Variants in CCDC158 observed in about 807,000 individuals in gnomAD.
CCDC158 encodes the protein coiled-coil domain containing 158.
Under a neutral mutation model 138.6 loss-of-function variants are expected in CCDC158, and 116 were observed. The ratio of observed to expected loss-of-function variants is 0.84; its 90% confidence interval spans 0.72 to 0.98. The LOEUF is 0.98. CCDC158 is among the 50% of genes least tolerant of loss of function. The pLI, the probability that CCDC158 is intolerant of heterozygous loss-of-function variation, is 0.00. For missense variants in CCDC158, 1,265 were observed against 1,306.1 expected (o/e 0.97, Z 0.48); for synonymous variants, 436 against 442.4 (o/e 0.99, Z 0.18).
intron 14 of CCDC158, among the ~76,000 whole-genome samples, chr4:76,356,152 T>C (rs1723539194): frequency 6.6e-6 from 1 of 152,074 alleles, no homozygotes; most frequent in Non-Finnish European, 1.5e-5. Context: ...AATGAAAATA[T>C]ACCATTCATT....
intron 3 of CCDC158, 30 bp from the exon 4 acceptor site, chr4:76,396,516 T>G (rs1017043879): frequency 6.5e-7 from 1 of 1,547,216 alleles, no homozygotes; most frequent in Non-Finnish European, 8.8e-7. Flanking sequence ...TTAATTAACT[T>G]TTCGTTTTTT....
chr4:76,328,406 G>C (rs1487620813), intron 22 of CCDC158, among the ~76,000 whole-genome samples: 1 of 152,214 alleles, frequency 6.6e-6, no homozygotes, highest in Admixed American at 6.5e-5. Flanking sequence ...CTGATAAAAG[G>C]AAGAAGGAGC....
chr4:76,401,980 C>T (rs1217131403), intron 3 of CCDC158: 1 of 152,120 alleles, frequency 6.6e-6, no homozygotes, highest in Non-Finnish European at 1.5e-5. Flanking sequence ...AATGTTTATA[C>T]AATAATGGTG....
chr4:76,371,694 T>C, intron 9 of CCDC158, among the ~76,000 whole-genome samples, 158 bp from the exon 10 acceptor site: 1 of 152,156 alleles, frequency 6.6e-6, no homozygotes, highest in East Asian at 1.9e-4. Context: ...TCCCAGCACT[T>C]TGGGAGGCCG....
chr4:76,397,677 G>A (rs1479380731), intron 3 of CCDC158, among the ~76,000 whole-genome samples: 1 of 152,176 alleles, frequency 6.6e-6, no homozygotes, highest in Non-Finnish European at 1.5e-5. Context: ...TTCACTGTAG[G>A]AAAGACACAA....
intron 2 of CCDC158, among the ~76,000 whole-genome samples, chr4:76,406,481 A>G (rs944751059): frequency 1.3e-5 from 2 of 152,206 alleles, no homozygotes; most frequent in Non-Finnish European, 2.9e-5. Flanking sequence ...CCTTTTGGCT[A>G]TATATTAAAC....
intron 6 of CCDC158, 130 bp from the exon 7 acceptor site, chr4:76,383,868 C>A: frequency 1.4e-6 from 1 of 726,440 alleles, no homozygotes; most frequent in South Asian, 1.8e-5. Context: ...CATTCTATCC[C>A]CATATTTTAT....
chr4:76,341,338 T>C (rs1390023303), intron 18 of CCDC158, among the ~76,000 whole-genome samples: 1 of 152,210 alleles, frequency 6.6e-6, no homozygotes, highest in African/African-American at 2.4e-5. Context: ...TCATTCAGCT[T>C]GAATTCAACC....
chr4:76,338,390 T>C (rs900018419), intron 18 of CCDC158, among the ~76,000 whole-genome samples: 2 of 152,166 alleles, frequency 1.3e-5, no homozygotes, highest in African/African-American at 2.4e-5. Flanking sequence ...TGTATGCCTG[T>C]AGTCCCAGCT....
At chr4:76,325,833 T>C (rs1189181097) in intron 23 of CCDC158, 24 bp downstream of exon 23, 7 of 1,593,964 alleles carry the variant, frequency 4.4e-6, no homozygotes, top group East Asian at 2.2e-5. Flanking sequence ...ATTAATCACG[T>C]CAATGATATC....
chr4:76,327,728 C>T (rs76866223), intron 22 of CCDC158, among the ~76,000 whole-genome samples: 2,313 of 152,182 alleles, frequency 0.015, 28 homozygotes, highest in Non-Finnish European at 0.023. Flanking sequence ...TATATTGACA[C>T]GAAGAAAAAC....
intron 3 of CCDC158, among the ~76,000 whole-genome samples, chr4:76,399,880 G>A (rs1373350755): frequency 6.6e-6 from 1 of 152,132 alleles, no homozygotes; most frequent in African/African-American, 2.4e-5. Context: ...TGACAGTGGG[G>A]GGTGAGAAGA....
Position 76,382,632 on chromosome 4 carries a change from G to A in CCDC158, c.892C>T (p.Gln298Ter). The change falls in exon 8 of 25, where the codon CAG becomes TAG. Residue 298 changes from glutamine to a stop codon, truncating the protein, a stop_gained. Transcript: ENST00000682701. LOFTEE classifies it high-confidence loss of function. ...SSARSQANSIQSQMEIIQEQA... is the reference protein window; with the variant it reads ...SSARSQANSI The stretch of plus-strand genomic sequence containing the variant: ...TACTGAATGATTTCCATTTGACTCT[G>A]GATACTATTGGCTTGGCTTCGAGCA... 1 of 1,610,306 alleles carries A rather than the reference G, an allele frequency of 6.2e-7. No individual in the cohort carries two copies. Among genetic ancestry groups the A allele is most frequent in the East Asian group, 2.2e-5 (1 of 44,796 alleles).
At chr4:76,397,998 A>G (rs1295272127) in intron 3 of CCDC158, among the ~76,000 whole-genome samples, 2 of 152,228 alleles carry the variant, frequency 1.3e-5, no homozygotes, top group Non-Finnish European at 2.9e-5. Context: ...AAAAAGACAC[A>G]GGAGCCAGTT....
At position 76,385,998 on chromosome 4, in the gene CCDC158, G is replaced by A. The variant is rs1195104295; in HGVS notation, c.289-1333C>T. On this transcript the variant is annotated intron_variant, in intron 4 of 24. Coordinates refer to ENST00000682701, the MANE Select transcript of CCDC158 (RefSeq NM_001394954.1). ...GAGAGAAATTACTTTCAACTTTACC[G>A]AGCCAATTATCAATGAAGTACGAGT... is the stretch of plus-strand genomic sequence containing the variant. Among the ~76,000 whole-genome samples the A allele has an allele frequency of 5.9e-5, 9 of 152,256 alleles. No homozygotes were observed. The East Asian group carries it at 9.6e-4, about 16-fold the overall frequency.
chr4:76,414,101 G>A (rs1407294686), intron 1 of CCDC158, among the ~76,000 whole-genome samples: 1 of 152,036 alleles, frequency 6.6e-6, no homozygotes, highest in African/African-American at 2.4e-5. Context: ...TAGAGACGGG[G>A]TTTTGCCATG....
chr4:76,362,071 G>A, intron 13 of CCDC158, 55 bp downstream of exon 13: 2 of 1,467,598 alleles, frequency 1.4e-6, no homozygotes, highest in Non-Finnish European at 1.9e-6. Context: ...GGTCTACATT[G>A]GCTTCACTGC....
upstream of CCDC158, among the ~76,000 whole-genome samples, chr4:76,421,224 C>T (rs530496280): frequency 1.2e-3 from 183 of 152,172 alleles, no homozygotes; most frequent in African/African-American, 4.3e-3. Flanking sequence ...GGTTAGGACG[C>T]TCTGCGAGGC....
chr4:76,346,317 T>C (rs1302960813), intron 18 of CCDC158, among the ~76,000 whole-genome samples: 2 of 152,168 alleles, frequency 1.3e-5, no homozygotes, highest in African/African-American at 4.8e-5. Flanking sequence ...ATTCAGGACA[T>C]AGGCATGGGC....
Sources: gnomAD v4.1 joint callset for allele counts (sites outside exome capture counted in the v4.1 genomes callset) on GRCh38, gnomAD v4.1.1 for gene constraint, MANE v1.5 for transcripts, NCBI Gene and HGNC (gene_info 2026-07-23, HGNC 2026-07-21) for gene names.